PARD3B: variants seen among roughly 807,000 people sequenced by gnomAD.
PARD3B encodes the protein partitioning defective 3 homolog B.
Under a neutral mutation model 130.2 loss-of-function variants are expected in PARD3B, and 103 were observed. The observed-to-expected ratio is 0.79, with a 90% CI of 0.67 to 0.93. The LOEUF (loss-of-function observed/expected upper bound fraction) is 0.93. Ranked by LOEUF, PARD3B falls within the 40% of genes least tolerant of loss-of-function variation. The pLI, the probability that PARD3B is intolerant of heterozygous loss-of-function variation, is 0.00. For synonymous variants in PARD3B, 583 were observed against 553.2 expected, an observed-to-expected ratio of 1.05 and a Z score of -0.76; for missense variants, 1,609 against 1,499.2, an observed-to-expected ratio of 1.07 and a Z score of -1.21.
chr2:205,548,753 A>T (rs2052483945), intron 21 of PARD3B, among the ~76,000 whole-genome samples: 2 of 152,182 alleles, frequency 1.3e-5, no homozygotes, highest in Admixed American at 6.6e-5. Flanking sequence ...GATCTGTGAA[A>T]GATAAAATTA....
rs1244485303 is a variant in PARD3B, at chr2:205,091,323, C to G, written c.505-13103C>G. 6.6e-6 allele frequency among the ~76,000 whole-genome samples: 1 copy of G among 152,180 alleles called. No individual in the cohort carries two copies. The highest frequency in any genetic ancestry group is 6.5e-5 in the Admixed American group (1 of 15,284). On this transcript the variant is annotated intron_variant, in intron 4 of 22. Coordinates refer to ENST00000406610, the MANE Select transcript of PARD3B (RefSeq NM_001302769.2). This position sits in a 1 kb window ranked among gnomAD's most constrained non-coding sequence, Gnocchi z 4.2. ...ATTCATAATTTTGCCGTGGCACAAA[C>G]TGCATCATTTACACTGGGAGGTTTG...
chr2:205,478,980 G>A (rs2106282224), intron 20 of PARD3B, among the ~76,000 whole-genome samples: 1 of 152,280 alleles, frequency 6.6e-6, no homozygotes, highest in South Asian at 2.1e-4. Context: ...GCAATTGCCA[G>A]CCGAAAACAG....
intron 15 of PARD3B, among the ~76,000 whole-genome samples, chr2:205,218,335 T>C (rs758970903): frequency 1.3e-4 from 20 of 152,218 alleles, no homozygotes; most frequent in Non-Finnish European, 2.8e-4. Flanking sequence ...GTATGTGAGA[T>C]ATGAACAAAA....
intron 20 of PARD3B, among the ~76,000 whole-genome samples, chr2:205,489,301 T>A (rs1448857569): frequency 1.3e-5 from 2 of 151,818 alleles, no homozygotes; most frequent in Admixed American, 6.6e-5. Context: ...TACTTAAGGC[T>A]CAAAAATATT....
At chr2:205,339,488 T>A (rs1266472963) in intron 18 of PARD3B, among the ~76,000 whole-genome samples, 1 of 152,216 alleles carries the variant, frequency 6.6e-6, no homozygotes, top group East Asian at 1.9e-4. Context: ...AGAAATTATC[T>A]GAGAACCCAC....
At chr2:205,423,302 T>G (rs2047036103) in intron 19 of PARD3B, among the ~76,000 whole-genome samples, 2 of 152,158 alleles carry the variant, frequency 1.3e-5, no homozygotes. Flanking sequence ...GGACCCCTGT[T>G]AAGGAAGACC....
intron 21 of PARD3B, among the ~76,000 whole-genome samples, chr2:205,514,695 A>G (rs907846482): frequency 6.6e-6 from 1 of 152,064 alleles, no homozygotes; most frequent in African/African-American, 2.4e-5. Flanking sequence ...AAATAAACAT[A>G]TTGCAAGAAG....
In PARD3B at chr2:205,241,091, T is replaced by TTA. The variant is rs2039332018; in HGVS notation, c.2141-4687_2141-4686insTA. ...ATGCTTTTTAAAAAGATGCCATTGA[T>TTA]GCTGGGCAGTTCTAATTAGCTTCAA... On this transcript the variant is annotated intron_variant, in intron 15 of 22. Transcript: ENST00000406610. The surrounding 1 kb of genome is among the most constrained non-coding windows in gnomAD (Gnocchi z 4.2). Among the ~76,000 whole-genome samples the TTA allele has an allele frequency of 2.0e-5, 3 of 152,214 alleles. No homozygotes were observed. Among genetic ancestry groups the TTA allele is most frequent in the African/African-American group, 7.2e-5 (3 of 41,476 alleles).
chr2:205,317,782 A>G lies in PARD3B; in HGVS notation c.2630+16081A>G, dbSNP rs547424719. Among the ~76,000 whole-genome samples the G allele has an allele frequency of 3.3e-5, 5 of 152,344 alleles. No homozygotes were observed. In the South Asian group the frequency reaches 8.3e-4, roughly 25 times the overall value. On this transcript the variant is annotated intron_variant, in intron 18 of 22. Transcript: ENST00000406610. The stretch of plus-strand genomic sequence containing the variant: ...ACCATATACAACAAATTTAAAATGT[A>G]TATGAAAGAGTGGACAGTATAAAAG...
At chr2:204,793,021 C>T (rs1276638476) in intron 2 of PARD3B, among the ~76,000 whole-genome samples, 1 of 152,030 alleles carries the variant, frequency 6.6e-6, no homozygotes, top group Admixed American at 6.5e-5. Flanking sequence ...TTAATCCTCC[C>T]TGATTGTCAT....
At chr2:204,952,996 C>CAAA (rs5837946) in intron 2 of PARD3B, among the ~76,000 whole-genome samples, 1 of 103,576 alleles carries the variant, frequency 9.7e-6, no homozygotes, top group East Asian at 2.4e-4. Context: ...GACTCAGTCT[C>CAAA]AAAAAAAAAA....
chr2:205,164,822 T>C lies in PARD3B; in HGVS notation c.1620+5915T>C, dbSNP rs867398478. ...GGTACCTATAGGCCATATATATGTA[T>C]ACACACACACACACACACACACACA... On this transcript the variant is annotated intron_variant, in intron 11 of 22. Coordinates refer to ENST00000406610, the MANE Select transcript of PARD3B (RefSeq NM_001302769.2). 6.8e-5 allele frequency among the ~76,000 whole-genome samples: 10 copies of C among 147,244 alleles called. 1 individual carries two copies. Among genetic ancestry groups the C allele is most frequent in the African/African-American group, 1.3e-4 (5 of 39,420 alleles).
intron 15 of PARD3B, among the ~76,000 whole-genome samples, chr2:205,233,618 A>G (rs2038938589): frequency 6.6e-6 from 1 of 152,158 alleles, no homozygotes; most frequent in Non-Finnish European, 1.5e-5. Context: ...ATCCCTCTCT[A>G]TTTATGATGG....
rs941880529 is a variant in PARD3B at position 205,263,826 on chromosome 2, G to A, written c.2185+18004G>A. Among the ~76,000 whole-genome samples the A allele has an allele frequency of 2.6e-5, 4 of 151,164 alleles. No individual in the cohort carries two copies. Among genetic ancestry groups the A allele is most frequent in the Admixed American group, 1.3e-4 (2 of 15,118 alleles). ...AAAACACATATCCAACAAAGGATCT[G>A]TATACAGAATATATAAAAGTTCCGA... On this transcript the variant is annotated intron_variant, in intron 16 of 22. Coordinates refer to ENST00000406610, the MANE Select transcript of PARD3B (RefSeq NM_001302769.2). This position sits in a 1 kb window ranked among gnomAD's most constrained non-coding sequence, Gnocchi z 4.0.
intron 22 of PARD3B, among the ~76,000 whole-genome samples, chr2:205,569,569 A>G (rs1167161144): frequency 6.6e-6 from 1 of 152,198 alleles, no homozygotes; most frequent in South Asian, 2.1e-4. Flanking sequence ...TATTGTTATA[A>G]CTAAAAAACA....
In PARD3B at chr2:204,943,855, G is replaced by A. The variant is rs1221310436; in HGVS notation, c.223-21297G>A. On this transcript the variant is annotated intron_variant, in intron 2 of 22. Transcript: ENST00000406610. This position sits in a 1 kb window ranked among gnomAD's most constrained non-coding sequence, Gnocchi z 4.2. ...GTTATATATAACACTAGAAAACTGAGATTTCAGAGGGGAAACAAAGTTAAA... is the reference window on the plus strand; with the variant it reads ...GTTATATATAACACTAGAAAACTGAAATTTCAGAGGGGAAACAAAGTTAAA... Among the ~76,000 whole-genome samples the A allele has an allele frequency of 1.3e-5, 2 of 152,108 alleles. No homozygotes were observed. Among genetic ancestry groups the A allele is most frequent in the East Asian group, 3.9e-4 (2 of 5,174 alleles).
intron 15 of PARD3B, among the ~76,000 whole-genome samples, chr2:205,234,490 T>C (rs1315825548): frequency 6.6e-6 from 1 of 152,156 alleles, no homozygotes; most frequent in Non-Finnish European, 1.5e-5. Context: ...ATCAAAACAA[T>C]GTAATTATTC....
intron 3 of PARD3B, among the ~76,000 whole-genome samples, chr2:205,007,193 G>C (rs902952218): frequency 1.3e-5 from 2 of 152,228 alleles, no homozygotes; most frequent in Middle Eastern, 3.4e-3. Context: ...TGTGAAGAAA[G>C]TGCCTGCTTC....
At chr2:205,452,272 T>C (rs1315676229) in intron 20 of PARD3B, among the ~76,000 whole-genome samples, 1 of 152,206 alleles carries the variant, frequency 6.6e-6, no homozygotes, top group East Asian at 1.9e-4. Flanking sequence ...TTGTCCCCAG[T>C]CTCTTTCTCT....
Sources: gnomAD v4.1 joint callset for allele counts (sites outside exome capture counted in the v4.1 genomes callset) on GRCh38, gnomAD v4.1.1 for gene constraint, Gnocchi (gnomAD v3.1) non-coding constraint, MANE v1.5 for transcripts, NCBI Gene and HGNC (gene_info 2026-07-23, HGNC 2026-07-21) for gene names.